Variants in TENM3 observed in about 807,000 individuals in gnomAD.
TENM3 encodes teneurin transmembrane protein 3.
A neutral mutation model predicts 255.1 loss-of-function variants in TENM3; 63 were observed. That is an observed-to-expected ratio of 0.25 (90% CI 0.20 to 0.30). The LOEUF (loss-of-function observed/expected upper bound fraction) is 0.30, where lower values mean the gene tolerates loss of function less well. Among genes scored for constraint, TENM3 ranks in the 10% least tolerant of loss-of-function variants. TENM3 has a pLI of 1.00. For synonymous variants in TENM3, 1,306 were observed against 1,322.3 expected (o/e 0.99, Z 0.27); for missense variants, 2,929 against 3,461.1 (o/e 0.85, Z 3.86).
the TENM3 span, among the ~76,000 whole-genome samples, chr4:182,012,019 C>T: frequency 3.9e-5 from 6 of 152,264 alleles, no homozygotes; most frequent in Non-Finnish European, 8.8e-5. Flanking sequence ...AACCGACAGC[C>T]GGCATCAACT....
At chr4:182,288,590 C>G (rs80236431) in intron 1 of TENM3, among the ~76,000 whole-genome samples, 3,287 of 152,292 alleles carry the variant, frequency 0.022, 55 homozygotes, top group Non-Finnish European at 0.03. Context: ...GCAGTTGGCT[C>G]CAACTACTAC....
At chr4:181,661,101 G>T in the TENM3 span, among the ~76,000 whole-genome samples, 1 of 152,150 alleles carries the variant, frequency 6.6e-6, no homozygotes, top group Non-Finnish European at 1.5e-5. Flanking sequence ...ACAATATCAA[G>T]TGAAGATAAA....
chr4:181,638,346 TACA>T, the TENM3 span, among the ~76,000 whole-genome samples: 7 of 152,228 alleles, frequency 4.6e-5, no homozygotes, highest in Non-Finnish European at 1.0e-4. Context: ...AGCAAGTATG[TACA>T]GATAAGGCCG....
the TENM3 span, among the ~76,000 whole-genome samples, chr4:181,528,633 C>G: frequency 3.3e-5 from 5 of 152,178 alleles, no homozygotes; most frequent in Admixed American, 6.5e-5. Flanking sequence ...TTGAATTATT[C>G]ACCTCATTTT....
chr4:181,925,424 G>A, the TENM3 span, among the ~76,000 whole-genome samples: 1 of 152,230 alleles, frequency 6.6e-6, no homozygotes, highest in African/African-American at 2.4e-5. Context: ...TATAAGTAAT[G>A]TGTGTTATTC....
the TENM3 span, among the ~76,000 whole-genome samples, chr4:181,970,806 A>T: frequency 6.6e-6 from 1 of 152,236 alleles, no homozygotes; most frequent in Non-Finnish European, 1.5e-5. Context: ...GTTTCATACC[A>T]TGTATCTGGG....
At chr4:182,416,332 C>T (rs1294393069) in intron 3 of TENM3, among the ~76,000 whole-genome samples, 2 of 152,066 alleles carry the variant, frequency 1.3e-5, no homozygotes, top group Non-Finnish European at 2.9e-5. Flanking sequence ...ATGGTAACCT[C>T]TTAGAAACAA....
the TENM3 span, among the ~76,000 whole-genome samples, chr4:182,016,811 A>G: frequency 2.0e-5 from 3 of 152,214 alleles, no homozygotes; most frequent in African/African-American, 7.2e-5. Flanking sequence ...ATTAGTATTC[A>G]CTTTAGATTG....
At chr4:181,970,300 T>A in the TENM3 span, among the ~76,000 whole-genome samples, 1 of 152,226 alleles carries the variant, frequency 6.6e-6, no homozygotes, top group Admixed American at 6.5e-5. Flanking sequence ...GAGAATTCGC[T>A]GTCAGGATCT....
At chr4:181,755,046 G>A in the TENM3 span, among the ~76,000 whole-genome samples, 2 of 152,252 alleles carry the variant, frequency 1.3e-5, no homozygotes, top group African/African-American at 4.8e-5. Context: ...TCCTGTATCA[G>A]ACATGAGGGT....
intron 1 of TENM3, among the ~76,000 whole-genome samples, chr4:182,149,685 G>A (rs934832037): frequency 6.6e-6 from 1 of 152,034 alleles, no homozygotes; most frequent in South Asian, 2.1e-4. Context: ...TCTTAACCGA[G>A]TTCCTTGACT....
At chr4:182,185,009 G>A (rs1186086424) in intron 1 of TENM3, among the ~76,000 whole-genome samples, 1 of 152,028 alleles carries the variant, frequency 6.6e-6, no homozygotes, top group African/African-American at 2.4e-5. Context: ...CTTGAACCCG[G>A]GAGGTGGAGG....
chr4:182,082,466 C>T, the TENM3 span, among the ~76,000 whole-genome samples: 1 of 152,186 alleles, frequency 6.6e-6, no homozygotes, highest in African/African-American at 2.4e-5. Flanking sequence ...CACCACCCAG[C>T]TTTCGCAATT....
At chr4:181,707,455 A>G in the TENM3 span, among the ~76,000 whole-genome samples, 1 of 152,220 alleles carries the variant, frequency 6.6e-6, no homozygotes, top group African/African-American at 2.4e-5. Context: ...CCAGTATAAT[A>G]TAATCTAGAA....
chr4:182,447,181 G>C (rs1050164823), intron 3 of TENM3, among the ~76,000 whole-genome samples: 1 of 151,798 alleles, frequency 6.6e-6, no homozygotes, highest in Non-Finnish European at 1.5e-5. Context: ...TGAATATATT[G>C]ATCATTAACG....
chr4:182,479,131 T>C (rs1580694225), intron 3 of TENM3, among the ~76,000 whole-genome samples: 1 of 14,116 alleles, frequency 7.1e-5, no homozygotes, highest in Admixed American at 1.4e-3. Context: ...ACAATATAGT[T>C]AAGTGTTCAG....
At chr4:182,093,114 C>T in the TENM3 span, among the ~76,000 whole-genome samples, 1 of 151,776 alleles carries the variant, frequency 6.6e-6, no homozygotes, top group South Asian at 2.1e-4. Flanking sequence ...TGAGTGATTA[C>T]TCATACACTG....
chr4:182,414,102 AT>A (rs1332218172), intron 3 of TENM3, among the ~76,000 whole-genome samples: 1 of 152,182 alleles, frequency 6.6e-6, no homozygotes, highest in African/African-American at 2.4e-5. Context: ...TTTCTTCCAA[AT>A]TTAGTTTCTA....
At chr4:181,487,255 T>C in the TENM3 span, among the ~76,000 whole-genome samples, 1 of 152,138 alleles carries the variant, frequency 6.6e-6, no homozygotes, top group African/African-American at 2.4e-5. Context: ...TGGTGGTTGG[T>C]TTTTGTTTGT....
Sources: allele counts gnomAD v4.1 joint callset (sites outside exome capture counted in the v4.1 genomes callset), GRCh38; gene constraint gnomAD v4.1.1; transcripts MANE v1.5; gene names NCBI Gene and HGNC (gene_info 2026-07-23, HGNC 2026-07-21).